CTPS1: variants seen among roughly 807,000 people sequenced by gnomAD.
CTPS1 encodes the protein CTP synthetase 1.
CTPS1 carries 25 observed loss-of-function variants against 80.5 expected under a neutral mutation model. The observed-to-expected ratio is 0.31, with a 90% confidence interval of 0.23 to 0.43. The LOEUF (loss-of-function observed/expected upper bound fraction) is 0.43. CTPS1 is among the 20% of genes least tolerant of loss of function. The pLI, the probability that CTPS1 is intolerant of heterozygous loss-of-function variation, is 1.00. For missense variants in CTPS1, 442 were observed against 725.7 expected, an observed-to-expected ratio of 0.61 and a Z score of 4.49; for synonymous variants, 267 against 252.5, an observed-to-expected ratio of 1.06 and a Z score of -0.54.
intron 1 of CTPS1, 85 bp from the exon 2 acceptor site, chr1:40,983,193 T>C: frequency 8.7e-7 from 1 of 1,149,404 alleles, no homozygotes; most frequent in Non-Finnish European, 1.2e-6. Flanking sequence ...TCATAGCTAA[T>C]AATTGGCAGA....
Position 41,008,657 on chromosome 1 carries a change from A to G in CTPS1, c.1394-2A>G. On this transcript the variant is annotated splice_acceptor_variant, in intron 14 of 18. Coordinates refer to ENST00000650070, the MANE Select transcript of CTPS1 (RefSeq NM_001905.4). LOFTEE classifies it high-confidence loss of function. Reference sequence around the variant, plus strand: ...TTACATACAGCCCGTTTGTTTTGCCAGGGAAACTCTATGGAGACGCAGACT... The same window carrying G: ...TTACATACAGCCCGTTTGTTTTGCCGGGGAAACTCTATGGAGACGCAGACT... 1 of 1,614,128 alleles carries G rather than the reference A, an allele frequency of 6.2e-7. No homozygotes were observed. Among genetic ancestry groups the G allele is most frequent in the Non-Finnish European group, 8.5e-7 (1 of 1,179,964 alleles).
rs561932099 is a variant in CTPS1, at chr1:40,999,980, G to C, written c.1006-1049G>C. On this transcript the variant is annotated intron_variant, in intron 9 of 18. Coordinates refer to ENST00000650070, the MANE Select transcript of CTPS1 (RefSeq NM_001905.4). The stretch of plus-strand genomic sequence containing the variant: ...GCCTGGTCAACATAGCGAGACCCCC[G>C]TCTCTGCAAAAAAAAGTTAAAAAAG... Among the ~76,000 whole-genome samples the C allele has an allele frequency of 1.1e-4, 17 of 151,994 alleles. 1 individual carries two copies. The South Asian group carries it at 2.7e-3, about 24-fold the overall frequency.
At chr1:40,985,941 C>A (rs1642440110) in intron 3 of CTPS1, among the ~76,000 whole-genome samples, 1 of 152,200 alleles carries the variant, frequency 6.6e-6, no homozygotes, top group Admixed American at 6.5e-5. Flanking sequence ...CCCTGACTTC[C>A]TGACACATAG....
At position 40,993,946 on chromosome 1, in the gene CTPS1, T is replaced by G. The variant is rs561514711; in HGVS notation, c.721-1971T>G. On this transcript the variant is annotated intron_variant, in intron 7 of 18. Coordinates refer to ENST00000650070, the MANE Select transcript of CTPS1 (RefSeq NM_001905.4). ...GGCATGCACCACCACACCTGGCTAATTTTTGTATTTTTAGTAGAGACGGGG... is the reference window on the plus strand; with the variant it reads ...GGCATGCACCACCACACCTGGCTAAGTTTTGTATTTTTAGTAGAGACGGGG... Among the ~76,000 whole-genome samples, 11 of 151,988 alleles carry G rather than the reference T, an allele frequency of 7.2e-5. No homozygotes were observed. The East Asian group carries it at 2.1e-3, about 30-fold the overall frequency.
chr1:41,000,786 A>T, intron 9 of CTPS1: 1 of 240,100 alleles, frequency 4.2e-6, no homozygotes, highest in Non-Finnish European at 8.0e-6. Flanking sequence ...GTGCAGAAAG[A>T]GAGAGATTTG....
At chr1:41,009,660 A>G (rs1252097051) in intron 17 of CTPS1, 71 bp downstream of exon 17, 23 of 1,564,202 alleles carry the variant, frequency 1.5e-5, no homozygotes, top group Non-Finnish European at 2.0e-5. Context: ...GATTCATTAC[A>G]GCAACACGTC....
rs1643191631 is a variant in CTPS1, at chr1:41,012,236, G to A, written c.*588G>A. 6.6e-6 allele frequency: 1 copy of A among 152,156 alleles called. No individual in the cohort carries two copies. The highest frequency in any genetic ancestry group is 2.4e-5 in the African/African-American group (1 of 41,434). The allele number at this position is 152,156 out of a possible 1,614,324, so 9.4% of individuals were successfully genotyped here. Reference sequence around the variant, plus strand: ...TGGTGTCAACATGAAACACCAAGATGTCTGTCTCTGAAGCGTGATTTTAAA... The same window carrying A: ...TGGTGTCAACATGAAACACCAAGATATCTGTCTCTGAAGCGTGATTTTAAA... On this transcript the variant is annotated 3_prime_UTR_variant, in exon 19 of 19. Transcript: ENST00000650070.
At chr1:40,998,228 C>T (rs1296065191) in intron 9 of CTPS1, among the ~76,000 whole-genome samples, 2 of 149,914 alleles carry the variant, frequency 1.3e-5, no homozygotes, top group African/African-American at 2.5e-5. Flanking sequence ...GAAACCCTGT[C>T]TCTACTTACA....
chr1:40,986,752 C>T (rs964893332), intron 3 of CTPS1, among the ~76,000 whole-genome samples: 6 of 152,076 alleles, frequency 3.9e-5, no homozygotes, highest in South Asian at 4.1e-4. Flanking sequence ...GGCACTTTAC[C>T]GAGCATTTTA....
intron 9 of CTPS1, among the ~76,000 whole-genome samples, chr1:40,999,620 A>G (rs1478242497): frequency 2.0e-5 from 3 of 152,226 alleles, no homozygotes; most frequent in African/African-American, 7.2e-5. Context: ...GCACCACCAC[A>G]CTAGAAAACA....
intron 3 of CTPS1, among the ~76,000 whole-genome samples, chr1:40,985,243 G>A (rs1313296287): frequency 6.6e-6 from 1 of 152,246 alleles, no homozygotes; most frequent in Non-Finnish European, 1.5e-5. Flanking sequence ...TTCTGCTAAG[G>A]CAGCATGATA....
At chr1:40,981,635 C>T (rs1160635806) in intron 1 of CTPS1, among the ~76,000 whole-genome samples, 2 of 152,150 alleles carry the variant, frequency 1.3e-5, no homozygotes, top group Admixed American at 6.5e-5. Context: ...GATCACAGTG[C>T]GAGTTTACTT....
intron 13 of CTPS1, among the ~76,000 whole-genome samples, chr1:41,006,393 G>A (rs1241319961): frequency 6.6e-6 from 1 of 152,156 alleles, no homozygotes; most frequent in African/African-American, 2.4e-5. Flanking sequence ...CCAGAACACA[G>A]TATAGATACT....
At chr1:40,991,016 A>G (rs1164495384) in intron 5 of CTPS1, 149 bp from the exon 6 acceptor site, 15 of 629,060 alleles carry the variant, frequency 2.4e-5, no homozygotes, top group Non-Finnish European at 3.8e-5. Context: ...AAATGCATGC[A>G]TGTGTAACTT....
intron 3 of CTPS1, among the ~76,000 whole-genome samples, chr1:40,986,326 C>T (rs993877350): frequency 6.6e-6 from 1 of 152,086 alleles, no homozygotes; most frequent in African/African-American, 2.4e-5. Context: ...GCTACGAAGG[C>T]GTGGTTGGTC....
intron 5 of CTPS1, among the ~76,000 whole-genome samples, chr1:40,990,254 T>C (rs1252999437): frequency 6.6e-6 from 1 of 152,198 alleles, no homozygotes; most frequent in African/African-American, 2.4e-5. Flanking sequence ...TTCTGACCCC[T>C]TATCTGAACA....
intron 3 of CTPS1, among the ~76,000 whole-genome samples, chr1:40,985,606 G>A (rs1273354598): frequency 6.6e-6 from 1 of 152,088 alleles, no homozygotes; most frequent in Non-Finnish European, 1.5e-5. Flanking sequence ...TAGTATAATG[G>A]CAGTGGCCCA....
chr1:41,006,132 G>A, intron 13 of CTPS1, 38 bp downstream of exon 13: 9 of 1,515,240 alleles, frequency 5.9e-6, no homozygotes, highest in Non-Finnish European at 8.2e-6. Context: ...GGCTTAGAAG[G>A]GTGTAGAAGG....
chr1:41,005,797 G>T (rs1643018755), intron 12 of CTPS1, among the ~76,000 whole-genome samples: 1 of 152,002 alleles, frequency 6.6e-6, no homozygotes. Context: ...TGACCTTCTT[G>T]GGAGGCTGAG....
Sources: allele counts gnomAD v4.1 joint callset (sites outside exome capture counted in the v4.1 genomes callset), GRCh38; gene constraint gnomAD v4.1.1; transcripts MANE v1.5; gene names NCBI Gene and HGNC (gene_info 2026-07-23, HGNC 2026-07-21).